Variants in MRPS35 observed in about 807,000 individuals in gnomAD.
MRPS35 encodes the protein small ribosomal subunit protein mS35.
A neutral mutation model predicts 32.7 loss-of-function variants in MRPS35; 29 were observed. The observed-to-expected ratio is 0.89, with a 90% confidence interval of 0.66 to 1.21. The LOEUF is 1.21. Ranked by LOEUF, MRPS35 falls within the 50% of genes most tolerant of loss-of-function variation. The probability of loss-of-function intolerance (pLI) is 0.00; values close to 1 mark genes in which losing one functional copy is unlikely to be tolerated. For missense variants in MRPS35, 373 were observed against 383.8 expected, an observed-to-expected ratio of 0.97 and a Z score of 0.23; for synonymous variants, 148 against 139.3, an observed-to-expected ratio of 1.06 and a Z score of -0.44.
At chr12:27,745,474 CTCTCCTT>C (rs1185997129) in intron 7 of MRPS35, among the ~76,000 whole-genome samples, 2 of 151,846 alleles carry the variant, frequency 1.3e-5, no homozygotes, top group African/African-American at 4.8e-5. Flanking sequence ...TGCTAGTTTA[CTCTCCTT>C]TCAAAATGAA....
chr12:27,716,281 T>C lies in MRPS35; in HGVS notation c.154-10T>C. The C allele has an allele frequency of 6.5e-7, 1 of 1,540,004 alleles. No individual in the cohort carries two copies. The highest frequency in any genetic ancestry group is 8.7e-7 in the Non-Finnish European group (1 of 1,147,718). On this transcript the variant is annotated splice_polypyrimidine_tract_variant and intron_variant, in intron 2 of 7. Coordinates refer to ENST00000081029, the MANE Select transcript of MRPS35 (RefSeq NM_021821.4). ...ATATTTAAAATACTAAACGATTTTA[T>C]ATTTCTTAGGCACTACCTCCTAGGA...
chr12:27,727,776 T>A (rs2061906267), intron 5 of MRPS35, among the ~76,000 whole-genome samples: 1 of 152,156 alleles, frequency 6.6e-6, no homozygotes, highest in Non-Finnish European at 1.5e-5. Flanking sequence ...TTGTTAATTA[T>A]CATACAGTTG....
At chr12:27,720,014 C>A in intron 4 of MRPS35, 146 bp downstream of exon 4, 1 of 610,254 alleles carries the variant, frequency 1.6e-6, no homozygotes, top group Non-Finnish European at 2.9e-6. Flanking sequence ...TTTTGCTAAC[C>A]ACTACAAGGT....
intron 7 of MRPS35, among the ~76,000 whole-genome samples, chr12:27,745,568 C>CTT (rs573864421): frequency 4.8e-5 from 7 of 146,670 alleles, no homozygotes; most frequent in African/African-American, 1.7e-4. Flanking sequence ...ACCTGGGAAG[C>CTT]TTTTTTTTTT....
At chr12:27,732,987 GATATATATATATATATATATATAT>G (rs56932909) in intron 5 of MRPS35, among the ~76,000 whole-genome samples, 192 of 120,656 alleles carry the variant, frequency 1.6e-3, no homozygotes, top group Middle Eastern at 4.5e-3. Flanking sequence ...GTCATTTGAA[GATATATATATATATATATATATAT>G]ATATATATAT....
chr12:27,713,102 G>C (rs920427940), intron 1 of MRPS35, among the ~76,000 whole-genome samples: 2 of 152,190 alleles, frequency 1.3e-5, no homozygotes, highest in Non-Finnish European at 2.9e-5. Flanking sequence ...GTCTCTCTCT[G>C]TTCTGTTCTT....
intron 4 of MRPS35, among the ~76,000 whole-genome samples, chr12:27,722,082 C>T (rs1300406156): frequency 3.9e-5 from 6 of 152,148 alleles, no homozygotes; most frequent in Non-Finnish European, 7.3e-5. Context: ...ACAGCACATT[C>T]GGAAGAGTGG....
Position 27,724,034 on chromosome 12 carries a change from C to A in MRPS35, c.383-13C>A. The A allele has an allele frequency of 6.2e-7, 1 of 1,607,176 alleles. No individual in the cohort carries two copies. The highest frequency in any genetic ancestry group is 1.1e-5 in the South Asian group (1 of 89,670). ...TGCAAAAGTGTAATTGAAATTATTTCTTTTATTCTCAGATTTTTGCACTGA... is the reference window on the plus strand; with the variant it reads ...TGCAAAAGTGTAATTGAAATTATTTATTTTATTCTCAGATTTTTGCACTGA... On this transcript the variant is annotated splice_polypyrimidine_tract_variant and intron_variant, in intron 4 of 7. Transcript: ENST00000081029.
At chr12:27,723,512 G>A (rs927637860) in intron 4 of MRPS35, among the ~76,000 whole-genome samples, 1 of 152,158 alleles carries the variant, frequency 6.6e-6, no homozygotes, top group African/African-American at 2.4e-5. Context: ...CCATTTAAGG[G>A]CTTAGGCATT....
chr12:27,721,923 C>T (rs2061877193), intron 4 of MRPS35, among the ~76,000 whole-genome samples: 1 of 152,004 alleles, frequency 6.6e-6, no homozygotes, highest in Non-Finnish European at 1.5e-5. Context: ...CATGTCTCTA[C>T]AAAAATATTA....
At chr12:27,725,138 A>C (rs1174292705) in intron 5 of MRPS35, among the ~76,000 whole-genome samples, 1 of 151,618 alleles carries the variant, frequency 6.6e-6, no homozygotes, top group Non-Finnish European at 1.5e-5. Flanking sequence ...CTTTTCTTGA[A>C]CTCCTGGCTC....
At chr12:27,712,064 A>G (rs1004640152) in intron 1 of MRPS35, among the ~76,000 whole-genome samples, 4 of 151,822 alleles carry the variant, frequency 2.6e-5, no homozygotes, top group African/African-American at 9.7e-5. Context: ...AGAATGATGG[A>G]TTTGGGGGGA....
At chr12:27,718,263 A>G (rs1045675326) in intron 3 of MRPS35, among the ~76,000 whole-genome samples, 2 of 152,188 alleles carry the variant, frequency 1.3e-5, no homozygotes, top group South Asian at 4.1e-4. Flanking sequence ...CATCTCTACT[A>G]AAACTACAAA....
At chr12:27,720,356 T>G (rs1593465077) in intron 4 of MRPS35, among the ~76,000 whole-genome samples, 2 of 148,272 alleles carry the variant, frequency 1.3e-5, no homozygotes, top group African/African-American at 2.5e-5. Flanking sequence ...ATCGCGCCAT[T>G]GCACTCCAGC....
chr12:27,755,156 T>G, intron 7 of MRPS35, 25 bp from the exon 8 acceptor site: 1 of 1,489,518 alleles, frequency 6.7e-7, no homozygotes, highest in Non-Finnish European at 8.9e-7. Context: ...CAGAACTCAT[T>G]TTTTTTTGTT....
intron 7 of MRPS35, among the ~76,000 whole-genome samples, chr12:27,741,629 A>G (rs1243181065): frequency 2.0e-5 from 3 of 152,182 alleles, no homozygotes; most frequent in African/African-American, 7.2e-5. Context: ...GACATAATTG[A>G]TGATAACACA....
Position 27,716,521 on chromosome 12 carries a change from CT to C in MRPS35, c.321+64del, listed in dbSNP as rs143869600. 26,338 of 1,548,960 alleles carry C rather than the reference CT, an allele frequency of 0.017. 3,477 individuals carry two copies. In the African/African-American group the frequency reaches 0.3, roughly 18 times the overall value. Reference sequence around the variant, plus strand: ...TAGAAATAAATGCTGATCTTCCCCCCTATTTCTGCTCTCTTATGCTTCACCG... The same window carrying C: ...TAGAAATAAATGCTGATCTTCCCCCCATTTCTGCTCTCTTATGCTTCACCG... On this transcript the variant is annotated intron_variant, in intron 3 of 7. Transcript: ENST00000081029.
chr12:27,744,626 T>C (rs2061975914), intron 7 of MRPS35, among the ~76,000 whole-genome samples: 1 of 152,184 alleles, frequency 6.6e-6, no homozygotes, highest in Non-Finnish European at 1.5e-5. Context: ...ACATGAAGCG[T>C]ATGTTTTTAT....
chr12:27,717,361 T>C (rs1184499444), intron 3 of MRPS35, among the ~76,000 whole-genome samples: 1 of 152,276 alleles, frequency 6.6e-6, no homozygotes, highest in African/African-American at 2.4e-5. Flanking sequence ...AATTTAACTT[T>C]ATTGCTTGAA....
Sources: allele counts gnomAD v4.1 joint callset (sites outside exome capture counted in the v4.1 genomes callset), GRCh38; gene constraint gnomAD v4.1.1; transcripts MANE v1.5; gene names NCBI Gene and HGNC (gene_info 2026-07-23, HGNC 2026-07-21).